Variants in CUX2 observed in about 807,000 individuals in gnomAD.
The protein encoded by CUX2 is cut like homeobox 2, also known as homeobox protein cut-like 2.
Under a neutral mutation model 144.8 loss-of-function variants are expected in CUX2, and 40 were observed. The ratio of observed to expected loss-of-function variants is 0.28; its 90% CI spans 0.21 to 0.36. The LOEUF is 0.36. Among genes scored for constraint, CUX2 ranks in the 10% least tolerant of loss-of-function variants. The pLI, the probability that CUX2 is intolerant of heterozygous loss-of-function variation, is 1.00. For missense variants in CUX2, 1,615 were observed against 1,994.0 expected (o/e 0.81, Z 3.62); for synonymous variants, 827 against 875.6 (o/e 0.94, Z 0.98).
rs1026163358 is a variant in CUX2 at position 111,320,875 on chromosome 12, G to C, written c.2766+100G>C. The C allele has an allele frequency of 6.2e-6, 8 of 1,284,114 alleles. No homozygotes were observed. The highest frequency in any genetic ancestry group is 8.1e-6 in the Non-Finnish European group (8 of 983,554). The allele number at this position is 1,284,114 out of a possible 1,614,324, so 79.5% of individuals were successfully genotyped here. On this transcript the variant is annotated intron_variant, in intron 17 of 21. Transcript: ENST00000261726. The surrounding 1 kb of genome is among the most constrained non-coding windows in gnomAD (Gnocchi z 8.1). The stretch of plus-strand genomic sequence containing the variant: ...GGCTGGCGGGACCCCAGGGGCCCAG[G>C]CCCTTCATTCCTGAGTCCTGCTGTC...
intron 3 of CUX2, among the ~76,000 whole-genome samples, chr12:111,218,820 C>A (rs1427745532): frequency 1.3e-5 from 2 of 152,230 alleles, no homozygotes; most frequent in African/African-American, 2.4e-5. Flanking sequence ...TAAATAATTT[C>A]TCTTGCTTTT....
At chr12:111,326,445 T>G (rs1007080165) in intron 18 of CUX2, among the ~76,000 whole-genome samples, 17 of 149,016 alleles carry the variant, frequency 1.1e-4, no homozygotes, top group African/African-American at 3.9e-4. Flanking sequence ...TTTATAGTCT[T>G]GTGGTGGGGT....
chr12:111,294,853 G>A (rs1230951593), intron 6 of CUX2, among the ~76,000 whole-genome samples: 1 of 151,928 alleles, frequency 6.6e-6, no homozygotes, highest in Non-Finnish European at 1.5e-5. Context: ...AGCCGAGTTC[G>A]GGTCACTGCA....
At chr12:111,241,616 T>C (rs1300640678) in intron 3 of CUX2, among the ~76,000 whole-genome samples, 1 of 152,210 alleles carries the variant, frequency 6.6e-6, no homozygotes, top group East Asian at 1.9e-4. Context: ...CTCCAACAGT[T>C]GAGAGTTAAT....
At chr12:111,150,525 G>T (rs1046085452) in intron 1 of CUX2, among the ~76,000 whole-genome samples, 1 of 152,178 alleles carries the variant, frequency 6.6e-6, no homozygotes, top group African/African-American at 2.4e-5. Context: ...TCCCCCTTGG[G>T]CTTTTGGAGT....
chr12:111,228,160 A>G (rs558648324), intron 3 of CUX2, among the ~76,000 whole-genome samples: 3 of 152,324 alleles, frequency 2.0e-5, no homozygotes, highest in South Asian at 2.1e-4. Flanking sequence ...CTAAAAGTAC[A>G]GTGAGGGACA....
At chr12:111,201,117 C>T (rs1004233820) in intron 1 of CUX2, among the ~76,000 whole-genome samples, 1 of 152,152 alleles carries the variant, frequency 6.6e-6, no homozygotes, top group Admixed American at 6.5e-5. Flanking sequence ...CTCAATCTCA[C>T]CTTCAGCCTC....
rs868529535 is a variant in CUX2, at chr12:111,320,075, C to A, written c.2066C>A (p.Ser689Ter). The A allele has an allele frequency of 1.3e-6, 2 of 1,554,212 alleles. No homozygotes were observed. The highest frequency in any genetic ancestry group is 2.4e-5 in the East Asian group (1 of 42,402). The change falls in exon 17 of 22, where the codon TCG becomes TAG. Residue 689 changes from serine to a stop codon, truncating the protein, a stop_gained. Coordinates refer to ENST00000261726, the MANE Select transcript of CUX2 (RefSeq NM_015267.4). LOFTEE classifies it high-confidence loss of function. The surrounding 1 kb of genome is among the most constrained non-coding windows in gnomAD (Gnocchi z 8.1). ...IANGTTPAST[S>*]EDAIKSILEQ... ...AACGGCACGACCCCCGCCAGCACCT[C>A]GGAGGACGCCATCAAGAGCATCCTG... is the stretch of plus-strand genomic sequence containing the variant.
rs189587396 is a variant in CUX2, at chr12:111,175,585, G to T, written c.64-38615G>T. On this transcript the variant is annotated intron_variant, in intron 1 of 21. Transcript: ENST00000261726. ...CTCTTTGTGGCAGGCTTGGTCACGC[G>T]GCAATATCGTGTTGGGTTCTCAACA... Among the ~76,000 whole-genome samples the T allele has an allele frequency of 7.2e-5, 11 of 152,032 alleles. No homozygotes were observed. In the South Asian group the frequency reaches 1.5e-3, roughly 20 times the overall value.
rs886844575 is a variant in CUX2, at chr12:111,347,705, C to T, written c.3841C>T (p.Pro1281Ser). The T allele has an allele frequency of 6.2e-7, 1 of 1,613,734 alleles. No individual in the cohort carries two copies. Among genetic ancestry groups the T allele is most frequent in the Non-Finnish European group, 8.5e-7 (1 of 1,179,940 alleles). The change falls in exon 22 of 22, where the codon CCT becomes TCT. Residue 1281 changes from proline (P) to serine (S), a missense_variant. Physicochemically the swap from Pro to Ser is moderately conservative, Grantham distance 74 (BLOSUM62 -1). Coordinates refer to ENST00000261726, the MANE Select transcript of CUX2 (RefSeq NM_015267.4). ...TVKELELQEG[P>S]EENSTPLTTQ... is the part of the protein sequence containing the mutation. ...GAAGGAACTGGAGCTTCAGGAGGGC[C>T]CTGAGGAGAACAGCACACCCCTGAC... is the stretch of plus-strand genomic sequence containing the variant.
intron 3 of CUX2, among the ~76,000 whole-genome samples, chr12:111,220,743 C>CAAAAAAAAAAAAAAAAA (rs549438290): frequency 2.6e-5 from 1 of 39,132 alleles, no homozygotes; most frequent in African/African-American, 1.0e-4. Context: ...CTCATCTCTG[C>CAAAAAAAAAAAAAAAAA]AAAAAAAAAA....
chr12:111,284,494 G>T (rs1430543106), intron 4 of CUX2, among the ~76,000 whole-genome samples: 1 of 152,168 alleles, frequency 6.6e-6, no homozygotes, highest in East Asian at 1.9e-4. Context: ...TCAGCCCATT[G>T]TTCTTTACTG....
In CUX2 at chr12:111,283,253, T is replaced by TG. The variant is rs542685877; in HGVS notation, c.302-8159dup. ...AAACCTATCCCCAAATGTAGTCACA[T>TG]GGGGGGCAGGTTAGGCCTTCAGGAT... On this transcript the variant is annotated intron_variant, in intron 4 of 21. Transcript: ENST00000261726. 2.0e-3 allele frequency among the ~76,000 whole-genome samples: 298 copies of TG among 151,324 alleles called. 3 individuals are homozygous for TG. The highest frequency in any genetic ancestry group is 6.9e-3 in the African/African-American group (284 of 41,188).
rs572642618 is a variant in CUX2, at chr12:111,296,522, C to A, written c.687C>A (p.Asp229Glu). The A allele has an allele frequency of 6.2e-7, 1 of 1,611,398 alleles. No individual in the cohort carries two copies. The highest frequency in any genetic ancestry group is 1.7e-5 in the Admixed American group (1 of 59,766). ...AELLELRRKY[D>E]EEAASKADEV... is the part of the protein sequence containing the mutation. ...TGCTAGAGCTGCGGCGGAAGTACGA[C>A]GAGGAGGCAGCATCCAAGTAAGTGA... Residue 229 changes from aspartate (D) to glutamate (E), a missense_variant, in exon 8 of 22, where the codon GAC becomes GAA. This residue lies in a region of CUX2 where 295 missense variants were observed against 400.2 expected (regional missense o/e 0.74). Transcript: ENST00000261726.
intron 8 of CUX2, among the ~76,000 whole-genome samples, chr12:111,297,951 TGAG>T (rs1192019979): frequency 1.3e-5 from 2 of 152,032 alleles, no homozygotes; most frequent in African/African-American, 2.4e-5. Context: ...GCTTTCAGAA[TGAG>T]GAGAAGGCCA....
At chr12:111,184,631 C>T (rs1879400603) in intron 1 of CUX2, among the ~76,000 whole-genome samples, 1 of 150,340 alleles carries the variant, frequency 6.7e-6, no homozygotes, top group South Asian at 2.1e-4. Context: ...GTGGCACGCA[C>T]CTGTAATCCC....
At chr12:111,144,987 T>C (rs1440153000) in intron 1 of CUX2, among the ~76,000 whole-genome samples, 4 of 152,198 alleles carry the variant, frequency 2.6e-5, no homozygotes, top group African/African-American at 4.8e-5. Flanking sequence ...TGCTGGGAAC[T>C]TGGGGAGTGC....
rs563711467 is a variant in CUX2 at position 111,084,795 on chromosome 12, G to A, written c.63+50555G>A. Among the ~76,000 whole-genome samples, 839 of 152,234 alleles carry A rather than the reference G, an allele frequency of 5.5e-3. 12 individuals carry two copies. The highest frequency in any genetic ancestry group is 0.019 in the African/African-American group (789 of 41,550). On this transcript the variant is annotated intron_variant, in intron 1 of 21. Coordinates refer to ENST00000261726, the MANE Select transcript of CUX2 (RefSeq NM_015267.4). ...GCTGTATAATGAGGGGCCACGTGGC[G>A]GGCGGGCTGGTAGACAGCCCGCTGT... is the stretch of plus-strand genomic sequence containing the variant.
intron 18 of CUX2, among the ~76,000 whole-genome samples, chr12:111,323,046 G>A (rs1470678731): frequency 6.6e-6 from 1 of 152,220 alleles, no homozygotes; most frequent in East Asian, 1.9e-4. Context: ...TTGCCCGGGT[G>A]AGGAAACGGA....
Sources: allele counts gnomAD v4.1 joint callset (sites outside exome capture counted in the v4.1 genomes callset), GRCh38; gene constraint gnomAD v4.1.1; regional missense constraint gnomAD v4.1.1; non-coding constraint Gnocchi (gnomAD v3.1); transcripts MANE v1.5; gene names NCBI Gene and HGNC (gene_info 2026-07-23, HGNC 2026-07-21).